SMARCC2: variants seen among roughly 807,000 people sequenced by gnomAD.
SMARCC2 encodes the protein SWI/SNF complex subunit SMARCC2.
Under a neutral mutation model 151.3 loss-of-function variants are expected in SMARCC2, and 15 were observed. That is an observed-to-expected ratio of 0.10 (90% CI 0.07 to 0.15). The LOEUF (loss-of-function observed/expected upper bound fraction) is 0.15. Ranked by LOEUF, SMARCC2 falls within the 10% of genes least tolerant of loss-of-function variation. SMARCC2 has a pLI of 1.00. For missense variants in SMARCC2, 1,031 were observed against 1,599.7 expected, an observed-to-expected ratio of 0.64 and a Z score of 6.06; for synonymous variants, 590 against 609.5, an observed-to-expected ratio of 0.97 and a Z score of 0.47.
At position 56,178,522 on chromosome 12, in the gene SMARCC2, T is replaced by C. The variant is rs146882154; in HGVS notation, c.1192A>G (p.Asn398Asp). The change falls in exon 14 of 29, where the codon AAC becomes GAC. Residue 398 changes from asparagine (N) to aspartate (D), a missense_variant. Around this residue, in one of 12 missense-constraint regions of SMARCC2, gnomAD observed 127 missense variants for 141.7 expected, o/e 0.90. Transcript: ENST00000550164. Reference sequence around the variant, plus strand: ...TGCTCTCCCTTGTTCCCCGTACTGTTCTCATCCTCATCCTACGAGTATGGA... The same window carrying C: ...TGCTCTCCCTTGTTCCCCGTACTGTCCTCATCCTCATCCTACGAGTATGGA... The part of the protein sequence containing the change: ...METTGKDEDE[N>D]STGNKGEQTK... The C allele has an allele frequency of 1.2e-5, 20 of 1,614,108 alleles. No homozygotes were observed. The highest frequency in any genetic ancestry group is 5.3e-5 in the African/African-American group (4 of 74,932).
rs1229464293 is a variant in SMARCC2, at chr12:56,162,383, T to TAAAAA, written c.*1301_*1305dup. The TAAAAA allele has an allele frequency of 2.8e-5, 13 of 460,128 alleles. No homozygotes were observed. Among genetic ancestry groups the TAAAAA allele is most frequent in the East Asian group, 7.1e-5 (2 of 28,122 alleles). The allele number at this position is 460,128 out of a possible 1,614,324, so 28.5% of individuals were successfully genotyped here. On this transcript the variant is annotated 3_prime_UTR_variant, in exon 29 of 29. Coordinates refer to ENST00000550164, the MANE Select transcript of SMARCC2 (RefSeq NM_001330288.2). ...ATGGAACTGAAAGCAAATTAATTTA[T>TAAAAA]AAAAAAAAAAAAAAGAAAGAAAGAA...
At position 56,163,655 on chromosome 12, in the gene SMARCC2, A is replaced by AG. The variant is rs568321068; in HGVS notation, c.*33dup. On this transcript the variant is annotated 3_prime_UTR_variant, in exon 29 of 29. Coordinates refer to ENST00000550164, the MANE Select transcript of SMARCC2 (RefSeq NM_001330288.2). ...CTGTTCCTGGAACCGTGATGTCCACAGGGGGTGAGGGGGAGAGATGTCTGG... is the reference window on the plus strand; with the variant it reads ...CTGTTCCTGGAACCGTGATGTCCACAGGGGGGTGAGGGGGAGAGATGTCTGG... The AG allele has an allele frequency of 1.1e-5, 15 of 1,304,836 alleles. No individual in the cohort carries two copies. In the East Asian group the frequency reaches 3.7e-4, roughly 32 times the overall value. The allele number at this position is 1,304,836 out of a possible 1,614,324, so 80.8% of individuals were successfully genotyped here.
chr12:56,178,686 G>A (rs1204734071), intron 13 of SMARCC2, 124 bp downstream of exon 13: 1 of 1,378,320 alleles, frequency 7.3e-7, no homozygotes, highest in African/African-American at 1.4e-5. Context: ...TCAGAGTTTT[G>A]AACAAAGCTG....
At chr12:56,179,415 T>C (rs905988629) in intron 11 of SMARCC2, among the ~76,000 whole-genome samples, 3 of 152,198 alleles carry the variant, frequency 2.0e-5, no homozygotes, top group African/African-American at 7.2e-5. Flanking sequence ...CAGAGGATAC[T>C]TTCCTCAACT....
At chr12:56,176,211 G>A (rs1437941536) in intron 15 of SMARCC2, among the ~76,000 whole-genome samples, 1 of 152,158 alleles carries the variant, frequency 6.6e-6, no homozygotes, top group African/African-American at 2.4e-5. Flanking sequence ...CTGCCTGCAT[G>A]TCATGTTGAA....
At chr12:56,165,864 C>T (rs768814503) in intron 26 of SMARCC2, among the ~76,000 whole-genome samples, 165 bp from the exon 27 acceptor site, 6 of 152,214 alleles carry the variant, frequency 3.9e-5, no homozygotes, top group Non-Finnish European at 5.9e-5. Flanking sequence ...CACCCGACTT[C>T]GTGCAAATTC....
chr12:56,169,984 C>G, intron 23 of SMARCC2, 73 bp from the exon 24 acceptor site: 4 of 1,491,690 alleles, frequency 2.7e-6, no homozygotes, highest in Non-Finnish European at 3.7e-6. Context: ...AGGGGCCAGA[C>G]GGGGAACTAA....
At chr12:56,178,320 TGGA>T in intron 14 of SMARCC2, 81 bp downstream of exon 14, 2 of 1,500,118 alleles carry the variant, frequency 1.3e-6, no homozygotes, top group Admixed American at 1.7e-5. Context: ...ATAACTTATT[TGGA>T]GGAGGCAGGG....
In SMARCC2 at chr12:56,169,556, G is replaced by A; in HGVS notation, c.2688C>T (p.Ala896=). 1.9e-6 allele frequency: 3 copies of A among 1,613,888 alleles called. No homozygotes were observed. Among genetic ancestry groups the A allele is most frequent in the Non-Finnish European group, 1.7e-6 (2 of 1,180,010 alleles). The change falls in exon 25 of 29, where the codon GCC becomes GCT. Residue 896 remains alanine, a synonymous_variant. Transcript: ENST00000550164. ...EGNLSTAAAA[A]LAAAAVKAKH... ...TAGCTTTCACTGCGGCGGCGGCCAG[G>A]GCGGCGGCAGCAGCGGTGGAGAGGT...
At position 56,171,812 on chromosome 12, in the gene SMARCC2, C is replaced by T; in HGVS notation, c.2052G>A (p.Glu684=). Residue 684 remains glutamate, a synonymous_variant, in exon 21 of 29, where the codon GAG becomes GAA. Transcript: ENST00000550164. The surrounding 1 kb of genome is among the most constrained non-coding windows in gnomAD (Gnocchi z 4.2). Reference sequence around the variant, plus strand: ...GGTAGGCCAGGGGGCCTAGGGAGGCCTCTGAGTCCTCCAGGTATGGGTCTT... The same window carrying T: ...GGTAGGCCAGGGGGCCTAGGGAGGCTTCTGAGTCCTCCAGGTATGGGTCTT... ...PIEDPYLEDS[E]ASLGPLAYQP... is the part of the protein sequence containing the mutation. 1.2e-6 allele frequency: 2 copies of T among 1,614,072 alleles called. No homozygotes were observed. The highest frequency in any genetic ancestry group is 1.3e-5 in the African/African-American group (1 of 75,008).
chr12:56,167,801 T>C (rs1223550850), intron 26 of SMARCC2, among the ~76,000 whole-genome samples: 1 of 152,038 alleles, frequency 6.6e-6, no homozygotes, highest in Non-Finnish European at 1.5e-5. Flanking sequence ...TCTAACTGGC[T>C]GCCCTACTCC....
Position 56,169,565 on chromosome 12 carries a change from A to T in SMARCC2, c.2679T>A (p.Ala893=). The part of the protein sequence containing the change: ...DIGEGNLSTA[A]AAALAAAAVK... ...CTGCGGCGGCGGCCAGGGCGGCGGCAGCAGCGGTGGAGAGGTTGCCCTCGC... is the reference window on the plus strand; with the variant it reads ...CTGCGGCGGCGGCCAGGGCGGCGGCTGCAGCGGTGGAGAGGTTGCCCTCGC... Residue 893 remains alanine (A), a synonymous_variant, in exon 25 of 29, where the codon GCT becomes GCA. Coordinates refer to ENST00000550164, the MANE Select transcript of SMARCC2 (RefSeq NM_001330288.2). The T allele has an allele frequency of 6.2e-7, 1 of 1,614,218 alleles. No homozygotes were observed. The highest frequency in any genetic ancestry group is 8.5e-7 in the Non-Finnish European group (1 of 1,180,040).
intron 27 of SMARCC2, among the ~76,000 whole-genome samples, chr12:56,164,944 C>T (rs912321830): frequency 3.3e-5 from 5 of 152,224 alleles, no homozygotes; most frequent in South Asian, 2.1e-4. Flanking sequence ...CGCACCACCA[C>T]GCCCAGCTAA....
chr12:56,166,492 C>T (rs944651443), intron 26 of SMARCC2, among the ~76,000 whole-genome samples: 2 of 151,916 alleles, frequency 1.3e-5, no homozygotes, highest in South Asian at 4.2e-4. Flanking sequence ...ATACTTTAAA[C>T]CTTCTTAACT....
At chr12:56,170,678 G>C (rs1446770114) in intron 22 of SMARCC2, among the ~76,000 whole-genome samples, 4 of 147,370 alleles carry the variant, frequency 2.7e-5, no homozygotes, top group African/African-American at 5.0e-5. Flanking sequence ...GCCTCCCAAA[G>C]TACTGGGATT....
At chr12:56,167,772 G>A (rs1873083426) in intron 26 of SMARCC2, among the ~76,000 whole-genome samples, 1 of 151,964 alleles carries the variant, frequency 6.6e-6, no homozygotes, top group Non-Finnish European at 1.5e-5. Context: ...GACTTCACTT[G>A]TGAGACCACT....
chr12:56,165,228 TC>T, intron 27 of SMARCC2, 89 bp downstream of exon 27: 1 of 1,410,348 alleles, frequency 7.1e-7, no homozygotes, highest in Non-Finnish European at 9.2e-7. Context: ...TAACCTCATC[TC>T]CACACTCATC....
chr12:56,169,289 A>T (rs1417428710), intron 25 of SMARCC2, among the ~76,000 whole-genome samples: 2 of 152,212 alleles, frequency 1.3e-5, no homozygotes, highest in Non-Finnish European at 2.9e-5. Flanking sequence ...GAACATGGAG[A>T]TAGTGTGGCA....
intron 25 of SMARCC2, 99 bp from the exon 26 acceptor site, chr12:56,168,293 T>TAG: frequency 1.4e-6 from 2 of 1,399,976 alleles, no homozygotes; most frequent in Non-Finnish European, 2.0e-6. Flanking sequence ...TAAGAACAAA[T>TAG]TTGCTGTGGT....
Sources: gnomAD v4.1 joint callset for allele counts (sites outside exome capture counted in the v4.1 genomes callset) on GRCh38, gnomAD v4.1.1 for gene constraint, gnomAD v4.1.1 regional missense constraint, Gnocchi (gnomAD v3.1) non-coding constraint, MANE v1.5 for transcripts, NCBI Gene and HGNC (gene_info 2026-07-23, HGNC 2026-07-21) for gene names.